SGMS2: variants seen among roughly 807,000 people sequenced by gnomAD.
The protein encoded by SGMS2 is phosphatidylcholine:ceramide cholinephosphotransferase 2.
SGMS2 carries 21 observed loss-of-function variants against 43.8 expected under a neutral mutation model. The observed-to-expected ratio is 0.48, with a 90% CI of 0.34 to 0.69. The LOEUF (loss-of-function observed/expected upper bound fraction) is 0.69. SGMS2 is among the 30% of genes least tolerant of loss of function. The probability of loss-of-function intolerance (pLI) is 0.01; values close to 1 mark genes in which losing one functional copy is unlikely to be tolerated. For synonymous variants in SGMS2, 167 were observed against 160.6 expected, an observed-to-expected ratio of 1.04 and a Z score of -0.30; for missense variants, 384 against 443.2, an observed-to-expected ratio of 0.87 and a Z score of 1.20.
At position 107,911,232 on chromosome 4, in the gene SGMS2, A is replaced by G. The variant is rs1025020984; in HGVS notation, c.*679A>G. On this transcript the variant is annotated 3_prime_UTR_variant, in exon 7 of 7. Coordinates refer to ENST00000690982, the MANE Select transcript of SGMS2 (RefSeq NM_001375905.1). ...AACACGAAAGTATTTGACACACCCC[A>G]CAGATTTTACATGTGTGTAAATGTT... The G allele has an allele frequency of 9.2e-5, 14 of 152,274 alleles. No homozygotes were observed. The highest frequency in any genetic ancestry group is 2.9e-4 in the African/African-American group (12 of 41,462). 9.4% of individuals were successfully genotyped at this position (152,274 alleles called of 1,614,324 possible).
intron 5 of SGMS2, among the ~76,000 whole-genome samples, chr4:107,906,407 T>C (rs976516016): frequency 6.6e-6 from 1 of 152,240 alleles, no homozygotes; most frequent in Non-Finnish European, 1.5e-5. Context: ...GAAATCAGAC[T>C]AGCTGTTAGT....
chr4:107,908,695 A>G lies in SGMS2; in HGVS notation c.858A>G (p.Arg286=). Residue 286 remains arginine (R), a synonymous_variant, in exon 6 of 7, where the codon CGA becomes CGG. Coordinates refer to ENST00000690982, the MANE Select transcript of SGMS2 (RefSeq NM_001375905.1). ...DVIIAYYITT[R]LFWWYHSMAN... is the part of the protein sequence containing the mutation. ...TCATTGCTTATTATATCACAACACG[A>G]CTGTTTTGGTGGTACCATTCAATGG... is the stretch of plus-strand genomic sequence containing the variant. 6.2e-7 allele frequency: 1 copy of G among 1,613,936 alleles called. No individual in the cohort carries two copies. Among genetic ancestry groups the G allele is most frequent in the Non-Finnish European group, 8.5e-7 (1 of 1,179,930 alleles).
Position 107,912,587 on chromosome 4 carries a change from C to T in SGMS2, c.*2034C>T, listed in dbSNP as rs1732193432. On this transcript the variant is annotated 3_prime_UTR_variant, in exon 7 of 7. Transcript: ENST00000690982. ...TCCTAACACTGGTGTTTTCCTTGAG[C>T]CTCTAATTCAAATAAAACAAACTGA... The T allele has an allele frequency of 6.6e-6, 1 of 152,080 alleles. No individual in the cohort carries two copies. Among genetic ancestry groups the T allele is most frequent in the Non-Finnish European group, 1.5e-5 (1 of 68,018 alleles). The allele number at this position is 152,080 out of a possible 1,614,324, so 9.4% of individuals were successfully genotyped here.
Position 107,834,726 on chromosome 4 carries a change from T to G in SGMS2, c.-327+9473T>G, listed in dbSNP as rs989076261. On this transcript the variant is annotated intron_variant, in intron 1 of 6. Transcript: ENST00000690982. ...AGTAGACAATATCTCAGAATCACAG[T>G]GTCAACTTCTGAAATTAAAAGAACA... 2.6e-5 allele frequency among the ~76,000 whole-genome samples: 4 copies of G among 152,164 alleles called. No homozygotes were observed. The East Asian group carries it at 7.7e-4, about 29-fold the overall frequency.
intron 2 of SGMS2, among the ~76,000 whole-genome samples, chr4:107,871,509 C>T (rs1330236640): frequency 2.6e-5 from 4 of 151,962 alleles, no homozygotes; most frequent in Non-Finnish European, 4.4e-5. Flanking sequence ...GCCTTGAGGA[C>T]GGGAGCCAGC....
At position 107,910,644 on chromosome 4, in the gene SGMS2, T is replaced by G. The variant is rs1021508500; in HGVS notation, c.*91T>G. ...TGTTTTTTATTTTAGGAGAACTGAC[T>G]GGTAAATGAAGAAATGGACCAAATT... On this transcript the variant is annotated 3_prime_UTR_variant, in exon 7 of 7. Transcript: ENST00000690982. 17 of 1,277,754 alleles carry G rather than the reference T, an allele frequency of 1.3e-5. No individual in the cohort carries two copies. Among genetic ancestry groups the G allele is most frequent in the African/African-American group, 9.1e-5 (6 of 66,066 alleles). 79.2% of individuals were successfully genotyped at this position (1,277,754 alleles called of 1,614,324 possible).
chr4:107,845,359 G>A (rs1578517172), intron 1 of SGMS2, among the ~76,000 whole-genome samples: 2 of 152,198 alleles, frequency 1.3e-5, no homozygotes, highest in Non-Finnish European at 2.9e-5. Context: ...AGGAAGAGGA[G>A]CATGTGGCCA....
intron 2 of SGMS2, among the ~76,000 whole-genome samples, chr4:107,877,171 G>T (rs1728970214): frequency 6.6e-6 from 1 of 152,056 alleles, no homozygotes; most frequent in African/African-American, 2.4e-5. Flanking sequence ...TAGCTGGCAT[G>T]GTGGTGTTCA....
At chr4:107,835,898 A>G (rs747135516) in intron 1 of SGMS2, among the ~76,000 whole-genome samples, 24 of 152,328 alleles carry the variant, frequency 1.6e-4, no homozygotes, top group Middle Eastern at 3.4e-3. Context: ...AGAGTTAACC[A>G]TCTCCCAAGA....
intron 1 of SGMS2, among the ~76,000 whole-genome samples, chr4:107,848,047 T>C (rs1726933507): frequency 6.6e-6 from 1 of 152,182 alleles, no homozygotes; most frequent in East Asian, 1.9e-4. Flanking sequence ...TTCACTGCCC[T>C]AAAAGTCTGT....
At chr4:107,888,954 T>C (rs1280314275) in intron 2 of SGMS2, among the ~76,000 whole-genome samples, 1 of 152,210 alleles carries the variant, frequency 6.6e-6, no homozygotes. Flanking sequence ...GGAACCACCA[T>C]TGCAAAATTG....
At chr4:107,869,134 T>A (rs1728361745) in intron 2 of SGMS2, among the ~76,000 whole-genome samples, 1 of 152,188 alleles carries the variant, frequency 6.6e-6, no homozygotes, top group Non-Finnish European at 1.5e-5. Context: ...TGTTTCTTTT[T>A]AAAAGGGAAT....
At chr4:107,892,588 A>G (rs1442685453) in intron 2 of SGMS2, among the ~76,000 whole-genome samples, 2 of 152,178 alleles carry the variant, frequency 1.3e-5, no homozygotes, top group African/African-American at 4.8e-5. Context: ...GTCAGAGCAC[A>G]GTTTGGTTTC....
intron 2 of SGMS2, among the ~76,000 whole-genome samples, chr4:107,878,101 A>C (rs1323872916): frequency 6.6e-6 from 1 of 151,638 alleles, no homozygotes; most frequent in African/African-American, 2.4e-5. Context: ...TTTTTAGTAG[A>C]GATGGGGTTT....
rs1420786176 is a variant in SGMS2 at position 107,914,909 on chromosome 4, GA to G, written c.*4357del. Reference sequence around the variant, plus strand: ...TTTTAAGTGCCTAATTGTTAAAACTGATTTATGTTTCTCTTCTAAAGAGGAT... The same window carrying G: ...TTTTAAGTGCCTAATTGTTAAAACTGTTTATGTTTCTCTTCTAAAGAGGAT... On this transcript the variant is annotated 3_prime_UTR_variant, in exon 7 of 7. Coordinates refer to ENST00000690982, the MANE Select transcript of SGMS2 (RefSeq NM_001375905.1). The G allele has an allele frequency of 6.6e-6, 1 of 152,060 alleles. No individual in the cohort carries two copies. Among genetic ancestry groups the G allele is most frequent in the East Asian group, 1.9e-4 (1 of 5,192 alleles). 9.4% of individuals were successfully genotyped at this position (152,060 alleles called of 1,614,324 possible). A position where few individuals can be genotyped will look rare whatever the true frequency, so the allele number is the denominator to read the frequency against.
In SGMS2 at chr4:107,899,633, A is replaced by C. The variant is rs534545752; in HGVS notation, c.514A>C (p.Ile172Leu). Reference protein sequence around the residue: ...IIGTLYLYRCITMYVTTLPVP... With the variant: ...IIGTLYLYRCLTMYVTTLPVP... ...TGGAACTTTATACCTGTATCGCTGC[A>C]TTACAATGTATGTTACTACTCTACC... is the stretch of plus-strand genomic sequence containing the variant. The change falls in exon 4 of 7, where the codon ATT becomes CTT. Residue 172 changes from isoleucine to leucine, a missense_variant. Transcript: ENST00000690982. The C allele has an allele frequency of 6.2e-7, 1 of 1,613,286 alleles. No individual in the cohort carries two copies. Among genetic ancestry groups the C allele is most frequent in the Non-Finnish European group, 8.5e-7 (1 of 1,179,670 alleles).
rs578196538 is a variant in SGMS2, at chr4:107,852,402, T to G, written c.-326-6070T>G. ...GCTATTTGGAAATGTGTTTTGGGAG[T>G]TTTTGTGTCATCTTTTCTCTTTAAC... On this transcript the variant is annotated intron_variant, in intron 1 of 6. Coordinates refer to ENST00000690982, the MANE Select transcript of SGMS2 (RefSeq NM_001375905.1). 1.0e-3 allele frequency among the ~76,000 whole-genome samples: 154 copies of G among 152,198 alleles called. 3 individuals are homozygous for G. In the South Asian group the frequency reaches 0.028, roughly 27 times the overall value.
At chr4:107,904,533 T>C (rs1373590106) in intron 5 of SGMS2, among the ~76,000 whole-genome samples, 2 of 152,246 alleles carry the variant, frequency 1.3e-5, no homozygotes, top group Non-Finnish European at 2.9e-5. Flanking sequence ...CTGTAGTAGA[T>C]GAAGTCAAGT....
chr4:107,892,488 C>A (rs1730313192), intron 2 of SGMS2, among the ~76,000 whole-genome samples: 1 of 152,098 alleles, frequency 6.6e-6, no homozygotes, highest in Admixed American at 6.6e-5. Context: ...AGACAGGTCT[C>A]AGTTAATTTA....
Sources: gnomAD v4.1 joint callset for allele counts (sites outside exome capture counted in the v4.1 genomes callset) on GRCh38, gnomAD v4.1.1 for gene constraint, MANE v1.5 for transcripts, NCBI Gene and HGNC (gene_info 2026-07-23, HGNC 2026-07-21) for gene names.